The following ZNF385D variants were observed in gnomAD, a reference collection of about 807,000 sequenced individuals.
ZNF385D encodes zinc finger protein 385D.
ZNF385D carries 15 observed loss-of-function variants against 35.8 expected under a neutral mutation model. The observed-to-expected ratio is 0.42, with a 90% CI of 0.28 to 0.64. The LOEUF (loss-of-function observed/expected upper bound fraction) is 0.64. Among genes scored for constraint, ZNF385D ranks in the 30% least tolerant of loss-of-function variants. ZNF385D has a pLI of 0.23. For synonymous variants in ZNF385D, 212 were observed against 186.8 expected, an observed-to-expected ratio of 1.13 and a Z score of -1.10; for missense variants, 474 against 494.6, an observed-to-expected ratio of 0.96 and a Z score of 0.39.
intron 4 of ZNF385D, among the ~76,000 whole-genome samples, chr3:21,478,510 T>C (rs1439242765): frequency 6.6e-6 from 1 of 152,076 alleles, no homozygotes; most frequent in African/African-American, 2.4e-5. Context: ...AGAAATGAAG[T>C]CATATTGAGC....
At chr3:21,475,469 T>C (rs907157058) in intron 4 of ZNF385D, among the ~76,000 whole-genome samples, 2 of 152,142 alleles carry the variant, frequency 1.3e-5, no homozygotes, top group Non-Finnish European at 2.9e-5. Flanking sequence ...GGATTCGATA[T>C]ACATTTTAAA....
At chr3:22,307,760 A>C (rs961180009) in intron 2 of ZNF385D, among the ~76,000 whole-genome samples, 8 of 152,068 alleles carry the variant, frequency 5.3e-5, no homozygotes, top group South Asian at 2.1e-4. Context: ...AAAAAAAAAA[A>C]AACTTTCTTT....
At chr3:21,816,643 C>G (rs1036682450) in intron 3 of ZNF385D, among the ~76,000 whole-genome samples, 33 of 152,100 alleles carry the variant, frequency 2.2e-4, no homozygotes, top group Admixed American at 3.9e-4. Flanking sequence ...TGAAGGACCT[C>G]TTCAAGGAGA....
At chr3:21,850,303 T>C (rs986279199) in intron 3 of ZNF385D, among the ~76,000 whole-genome samples, 1 of 152,034 alleles carries the variant, frequency 6.6e-6, no homozygotes, top group Non-Finnish European at 1.5e-5. Context: ...GAAAGAAATA[T>C]GGGATTATGA....
At chr3:22,248,364 T>A (rs1004717405) in intron 2 of ZNF385D, among the ~76,000 whole-genome samples, 1 of 152,132 alleles carries the variant, frequency 6.6e-6, no homozygotes, top group African/African-American at 2.4e-5. Context: ...TATTGAGCTC[T>A]TAGTTTGTGT....
intron 4 of ZNF385D, among the ~76,000 whole-genome samples, chr3:21,440,943 C>A (rs886850047): frequency 1.3e-5 from 2 of 151,988 alleles, no homozygotes; most frequent in African/African-American, 4.8e-5. Context: ...CATTGTATCT[C>A]CCAATGCCAA....
chr3:21,561,693 G>A (rs760252462), intron 3 of ZNF385D, among the ~76,000 whole-genome samples: 4 of 152,122 alleles, frequency 2.6e-5, no homozygotes, highest in Admixed American at 6.5e-5. Context: ...TGGGAGATTG[G>A]GGAATGTCCA....
chr3:22,246,048 G>T (rs1699760768), intron 2 of ZNF385D, among the ~76,000 whole-genome samples: 2 of 151,996 alleles, frequency 1.3e-5, no homozygotes, highest in Admixed American at 6.6e-5. Flanking sequence ...ACAACATTTG[G>T]CCAGGAAACT....
At chr3:22,028,831 C>A (rs1251338737) in intron 3 of ZNF385D, among the ~76,000 whole-genome samples, 1 of 152,136 alleles carries the variant, frequency 6.6e-6, no homozygotes, top group Non-Finnish European at 1.5e-5. Context: ...ATTGGAATGG[C>A]CTTTGGAAGT....
Position 22,338,887 on chromosome 3 carries a change from G to A in ZNF385D, c.106+33563C>T, listed in dbSNP as rs562237265. ...AGCTAATTTTTGTATTTTTAGTAGA[G>A]ATGGAGTTTCACCATGTTGGCCAGG... On this transcript the variant is annotated intron_variant, in intron 2 of 5. Coordinates refer to the ZNF385D transcript ENST00000494108. Among the ~76,000 whole-genome samples, 3 of 151,964 alleles carry A rather than the reference G, an allele frequency of 2.0e-5. No homozygotes were observed. The South Asian group carries it at 6.2e-4, about 32-fold the overall frequency.
chr3:21,591,409 A>G (rs2063973387), intron 2 of ZNF385D, among the ~76,000 whole-genome samples: 1 of 152,176 alleles, frequency 6.6e-6, no homozygotes, highest in Admixed American at 6.5e-5. Flanking sequence ...GTGAATGGTT[A>G]GCAAAATAGA....
chr3:22,041,889 C>A (rs1465403514), intron 3 of ZNF385D, among the ~76,000 whole-genome samples: 2 of 151,788 alleles, frequency 1.3e-5, no homozygotes, highest in Middle Eastern at 3.2e-3. Context: ...TATCTGTGTT[C>A]TAATATTGAA....
chr3:21,847,620 T>C (rs1696094352), intron 3 of ZNF385D, among the ~76,000 whole-genome samples: 1 of 152,044 alleles, frequency 6.6e-6, no homozygotes, highest in African/African-American at 2.4e-5. Flanking sequence ...CTCCTTTGGG[T>C]GTGTCTGTGT....
chr3:21,973,011 A>G (rs1703361669), intron 3 of ZNF385D, among the ~76,000 whole-genome samples: 1 of 151,956 alleles, frequency 6.6e-6, no homozygotes, highest in South Asian at 2.1e-4. Flanking sequence ...ACTAATATCA[A>G]TTTTAATCAA....
At chr3:21,910,143 G>A (rs1699892102) in intron 3 of ZNF385D, among the ~76,000 whole-genome samples, 1 of 149,768 alleles carries the variant, frequency 6.7e-6, no homozygotes, top group African/African-American at 2.4e-5. Context: ...GACCATCTTT[G>A]GCCTACTTCA....
At chr3:22,210,100 T>TA (rs1697422703) in intron 2 of ZNF385D, among the ~76,000 whole-genome samples, 1 of 151,824 alleles carries the variant, frequency 6.6e-6, no homozygotes, top group African/African-American at 2.4e-5. Flanking sequence ...AAACCATTTA[T>TA]ACCAGCCAAG....
chr3:22,354,844 A>G (rs1022993439), intron 2 of ZNF385D, among the ~76,000 whole-genome samples: 1 of 152,026 alleles, frequency 6.6e-6, no homozygotes, highest in Non-Finnish European at 1.5e-5. Flanking sequence ...TATTTAATTT[A>G]AGCAAAATTT....
At chr3:21,961,762 A>G (rs1323062316) in intron 3 of ZNF385D, among the ~76,000 whole-genome samples, 2 of 152,164 alleles carry the variant, frequency 1.3e-5, no homozygotes, top group Non-Finnish European at 2.9e-5. Flanking sequence ...TTGAGACATT[A>G]GTTCTGAAGA....
intron 3 of ZNF385D, among the ~76,000 whole-genome samples, chr3:21,834,145 T>C (rs1695178835): frequency 2.0e-5 from 3 of 152,128 alleles, no homozygotes; most frequent in Admixed American, 6.6e-5. Flanking sequence ...TTCACACACA[T>C]ATAGCTGGCT....
Sources: allele counts gnomAD v4.1 joint callset (sites outside exome capture counted in the v4.1 genomes callset), GRCh38; gene constraint gnomAD v4.1.1; transcripts MANE v1.5; gene names NCBI Gene and HGNC (gene_info 2026-07-23, HGNC 2026-07-21).